The following ENOPH1 variants were observed in gnomAD, a reference collection of about 807,000 sequenced individuals.
ENOPH1 encodes enolase-phosphatase 1.
ENOPH1 carries 14 observed loss-of-function variants against 31.1 expected under a neutral mutation model. The ratio of observed to expected loss-of-function variants is 0.45; its 90% CI spans 0.30 to 0.70. The LOEUF (loss-of-function observed/expected upper bound fraction) is 0.70, where lower values mean the gene tolerates loss of function less well. Ranked by LOEUF, ENOPH1 falls within the 30% of genes least tolerant of loss-of-function variation. The probability of loss-of-function intolerance (pLI) is 0.09; values close to 1 mark genes in which losing one functional copy is unlikely to be tolerated. For synonymous variants in ENOPH1, 127 were observed against 123.2 expected, an observed-to-expected ratio of 1.03 and a Z score of -0.21; for missense variants, 243 against 321.5, an observed-to-expected ratio of 0.76 and a Z score of 1.87.
Position 82,447,922 on chromosome 4 carries a change from C to T in ENOPH1, c.87C>T (p.Asp29=). ...GTTTPIAFVK[D]ILFPYIEENV... is the part of the protein sequence containing the mutation. ...TTTTCTTTTACTCTTTTATCCAGGA[C>T]ATTTTATTTCCTTACATCGAAGAAA... The change falls in exon 2 of 6, where the codon GAC becomes GAT. Residue 29 remains aspartate (D), a splice_region_variant and synonymous_variant. Transcript: ENST00000273920. 2 of 1,591,814 alleles carry T rather than the reference C, an allele frequency of 1.3e-6. No homozygotes were observed. The highest frequency in any genetic ancestry group is 1.1e-5 in the South Asian group (1 of 88,558).
At chr4:82,446,089 C>T (rs1202991843) in intron 1 of ENOPH1, among the ~76,000 whole-genome samples, 1 of 152,108 alleles carries the variant, frequency 6.6e-6, no homozygotes, top group Non-Finnish European at 1.5e-5. Flanking sequence ...TTGGGTAATC[C>T]TTGCTCAGTT....
At chr4:82,441,007 G>A (rs555830687) in intron 1 of ENOPH1, among the ~76,000 whole-genome samples, 1 of 152,278 alleles carries the variant, frequency 6.6e-6, no homozygotes, top group African/African-American at 2.4e-5. Flanking sequence ...TCCTACTGTG[G>A]TCTTCAGGAA....
intron 1 of ENOPH1, among the ~76,000 whole-genome samples, chr4:82,445,039 G>A (rs1722142969): frequency 6.6e-6 from 1 of 152,068 alleles, no homozygotes; most frequent in Admixed American, 6.6e-5. Context: ...GCAACATAGC[G>A]AGATCTTGTC....
intron 5 of ENOPH1, among the ~76,000 whole-genome samples, chr4:82,458,154 GT>G (rs1175849322): frequency 6.6e-6 from 1 of 152,168 alleles, no homozygotes; most frequent in African/African-American, 2.4e-5. Context: ...CTCTGGTCCT[GT>G]TTTGGTACCA....
intron 1 of ENOPH1, among the ~76,000 whole-genome samples, chr4:82,439,061 G>C (rs1341903181): frequency 1.3e-5 from 2 of 152,162 alleles, no homozygotes; most frequent in Non-Finnish European, 1.5e-5. Context: ...CGTGTGGAAA[G>C]TTGGTAGCTT....
Position 82,460,241 on chromosome 4 carries a change from GTATATAT to G in ENOPH1, c.*122_*128del. The G allele has an allele frequency of 1.1e-6, 1 of 926,840 alleles. No individual in the cohort carries two copies. The highest frequency in any genetic ancestry group is 1.6e-6 in the Non-Finnish European group (1 of 608,458). 57.4% of individuals were successfully genotyped at this position (926,840 alleles called of 1,614,324 possible). ...TATGTACACATATGTATGCAAGTAT[GTATATAT>G]GTGTATGCTCAGATTAACTTCCATA... On this transcript the variant is annotated 3_prime_UTR_variant, in exon 6 of 6. Transcript: ENST00000273920.
intron 1 of ENOPH1, among the ~76,000 whole-genome samples, chr4:82,432,433 C>T (rs1211748753): frequency 6.6e-6 from 1 of 152,162 alleles, no homozygotes; most frequent in Non-Finnish European, 1.5e-5. Context: ...CAACCTCTGC[C>T]TCCCAGCTTC....
At chr4:82,443,888 A>C (rs993645000) in intron 1 of ENOPH1, among the ~76,000 whole-genome samples, 6 of 151,034 alleles carry the variant, frequency 4.0e-5, no homozygotes, top group African/African-American at 1.5e-4. Flanking sequence ...TTTTTTTTTG[A>C]GACAGAGTCT....
chr4:82,445,486 C>T (rs1044087694), intron 1 of ENOPH1, among the ~76,000 whole-genome samples: 2 of 152,190 alleles, frequency 1.3e-5, no homozygotes, highest in Non-Finnish European at 2.9e-5. Context: ...GTAGGAGTCC[C>T]GCTTTGTTAC....
At chr4:82,442,483 G>A (rs1338941170) in intron 1 of ENOPH1, among the ~76,000 whole-genome samples, 2 of 152,100 alleles carry the variant, frequency 1.3e-5, no homozygotes, top group Non-Finnish European at 2.9e-5. Flanking sequence ...TCGCACCATT[G>A]TATTCCACCC....
At chr4:82,449,970 T>C (rs1722305798) in intron 2 of ENOPH1, among the ~76,000 whole-genome samples, 1 of 152,200 alleles carries the variant, frequency 6.6e-6, no homozygotes, top group African/African-American at 2.4e-5. Context: ...CCTGCTCTGT[T>C]GTTTTTCTTG....
At chr4:82,442,906 C>T (rs1296725723) in intron 1 of ENOPH1, among the ~76,000 whole-genome samples, 1 of 152,160 alleles carries the variant, frequency 6.6e-6, no homozygotes, top group African/African-American at 2.4e-5. Flanking sequence ...CTTACCGTGA[C>T]CTTTTCCTCC....
intron 4 of ENOPH1, 36 bp downstream of exon 4, chr4:82,454,890 A>G (rs758130178): frequency 3.2e-6 from 5 of 1,583,254 alleles, no homozygotes; most frequent in East Asian, 2.3e-5. Context: ...TTTTGACGCT[A>G]TCAAAGCATA....
intron 1 of ENOPH1, among the ~76,000 whole-genome samples, chr4:82,434,861 C>T (rs1043276009): frequency 4.0e-5 from 6 of 151,524 alleles, no homozygotes; most frequent in Non-Finnish European, 5.9e-5. Flanking sequence ...GAGCCGAGAT[C>T]GTGCCAGTGC....
rs1197190437 is a variant in ENOPH1, at chr4:82,460,518, GAATA to G, written c.*399_*402del. The G allele has an allele frequency of 2.6e-5, 4 of 154,754 alleles. No homozygotes were observed. Among genetic ancestry groups the G allele is most frequent in the African/African-American group, 7.2e-5 (3 of 41,498 alleles). The allele number at this position is 154,754 out of a possible 1,614,324, so 9.6% of individuals were successfully genotyped here. Reference sequence around the variant, plus strand: ...TTAAAAATGAAATATTTCAAAGACTGAATATTTTCAAAGAAAATGAATAATTCAT... The same window carrying G: ...TTAAAAATGAAATATTTCAAAGACTGTTTTCAAAGAAAATGAATAATTCAT... On this transcript the variant is annotated 3_prime_UTR_variant, in exon 6 of 6. Transcript: ENST00000273920.
intron 1 of ENOPH1, among the ~76,000 whole-genome samples, chr4:82,431,471 G>A (rs1721758157): frequency 6.6e-6 from 1 of 152,144 alleles, no homozygotes; most frequent in Non-Finnish European, 1.5e-5. Flanking sequence ...TCTGTTAGGC[G>A]CTGTGGTCCA....
chr4:82,453,444 T>C (rs1722405838), intron 3 of ENOPH1, among the ~76,000 whole-genome samples: 4 of 152,204 alleles, frequency 2.6e-5, no homozygotes, highest in Admixed American at 2.6e-4. Flanking sequence ...CAGGAGACTG[T>C]GCACCCGGTA....
At chr4:82,437,809 C>T (rs1721945811) in intron 1 of ENOPH1, among the ~76,000 whole-genome samples, 2 of 152,164 alleles carry the variant, frequency 1.3e-5, no homozygotes, top group African/African-American at 4.8e-5. Flanking sequence ...ATCAGGCATG[C>T]TGTAACATGC....
intron 3 of ENOPH1, 56 bp downstream of exon 3, chr4:82,451,301 T>C: frequency 6.5e-7 from 1 of 1,531,130 alleles, no homozygotes; most frequent in South Asian, 1.1e-5. Context: ...AATATGTTTT[T>C]TCACCAGTCC....
Sources: allele counts gnomAD v4.1 joint callset (sites outside exome capture counted in the v4.1 genomes callset), GRCh38; gene constraint gnomAD v4.1.1; transcripts MANE v1.5; gene names NCBI Gene and HGNC (gene_info 2026-07-23, HGNC 2026-07-21).